A1CF: variants seen among roughly 807,000 people sequenced by gnomAD.
The protein encoded by A1CF is APOBEC1 complementation factor.
A neutral mutation model predicts 68.9 loss-of-function variants in A1CF; 48 were observed. That is an observed-to-expected ratio of 0.70 (90% confidence interval 0.55 to 0.89). A1CF has a LOEUF of 0.89. Ranked by LOEUF, A1CF falls within the 40% of genes least tolerant of loss-of-function variation. The pLI, the probability that A1CF is intolerant of heterozygous loss-of-function variation, is 0.00. For synonymous variants in A1CF, 272 were observed against 260.4 expected, an observed-to-expected ratio of 1.04 and a Z score of -0.43; for missense variants, 653 against 718.9, an observed-to-expected ratio of 0.91 and a Z score of 1.05.
intron 3 of A1CF, among the ~76,000 whole-genome samples, chr10:50,853,541 A>C (rs2132501350): frequency 6.6e-6 from 1 of 152,232 alleles, no homozygotes; most frequent in South Asian, 2.1e-4. Context: ...AGGTAGAAAC[A>C]TGTCTCTCTT....
chr10:50,851,726 A>G (rs1225285033), intron 3 of A1CF, among the ~76,000 whole-genome samples: 2 of 152,178 alleles, frequency 1.3e-5, no homozygotes, highest in African/African-American at 4.8e-5. Flanking sequence ...TGGAAGCCTG[A>G]GAGAGAACTG....
intron 3 of A1CF, among the ~76,000 whole-genome samples, chr10:50,851,665 G>T (rs902657245): frequency 6.6e-6 from 1 of 152,176 alleles, no homozygotes; most frequent in Non-Finnish European, 1.5e-5. Context: ...AAGGTTAGCA[G>T]GGCCTGAAGA....
intron 3 of A1CF, among the ~76,000 whole-genome samples, chr10:50,847,963 C>T (rs576037657): frequency 6.6e-6 from 1 of 152,276 alleles, no homozygotes; most frequent in East Asian, 1.9e-4. Flanking sequence ...TTTTAATAAA[C>T]TCTTTTATAC....
intron 5 of A1CF, among the ~76,000 whole-genome samples, chr10:50,841,219 C>A (rs1839759616): frequency 6.6e-6 from 1 of 152,230 alleles, no homozygotes; most frequent in African/African-American, 2.4e-5. Flanking sequence ...TCTACACTTC[C>A]TCACACAGTG....
intron 6 of A1CF, among the ~76,000 whole-genome samples, chr10:50,833,302 C>G (rs947990858): frequency 1.3e-5 from 2 of 152,194 alleles, no homozygotes; most frequent in Non-Finnish European, 2.9e-5. Context: ...CCTACTGAAT[C>G]AAGAACTCTG....
intron 3 of A1CF, among the ~76,000 whole-genome samples, chr10:50,847,169 A>G (rs904985778): frequency 1.1e-4 from 17 of 152,220 alleles, no homozygotes; most frequent in South Asian, 2.1e-4. Flanking sequence ...ATGTATTAAT[A>G]GTTCAGACTA....
At chr10:50,871,450 A>G (rs1392664269) in intron 1 of A1CF, among the ~76,000 whole-genome samples, 2 of 152,014 alleles carry the variant, frequency 1.3e-5, no homozygotes, top group Non-Finnish European at 2.9e-5. Flanking sequence ...CTTTAATGCA[A>G]TTCTAATTTA....
At chr10:50,814,868 T>C (rs916860480) in intron 9 of A1CF, among the ~76,000 whole-genome samples, 7 of 152,210 alleles carry the variant, frequency 4.6e-5, no homozygotes, top group East Asian at 3.8e-4. Context: ...TCTAAATGCA[T>C]AATGTTGCAA....
intron 2 of A1CF, among the ~76,000 whole-genome samples, chr10:50,863,204 C>A (rs868765542): frequency 6.6e-6 from 1 of 152,152 alleles, no homozygotes; most frequent in African/African-American, 2.4e-5. Flanking sequence ...AACACTTAAT[C>A]TTTAATTTTT....
At position 50,804,577 on chromosome 10, in the gene A1CF, A is replaced by G. The variant is rs1392815923; in HGVS notation, c.*2152T>C. 1 of 152,158 alleles carries G rather than the reference A, an allele frequency of 6.6e-6. No homozygotes were observed. The allele number at this position is 152,158 out of a possible 1,614,324, so 9.4% of individuals were successfully genotyped here. On this transcript the variant is annotated 3_prime_UTR_variant, in exon 13 of 13. Coordinates refer to ENST00000373997, the MANE Select transcript of A1CF (RefSeq NM_014576.4). ...TCTTTGAGAATAAAAGCAGATCTGT[A>G]GGGGAGTGTAAATTTGGATCTAAGA... is the stretch of plus-strand genomic sequence containing the variant.
chr10:50,868,903 T>C (rs959582063), intron 1 of A1CF, among the ~76,000 whole-genome samples: 1 of 152,078 alleles, frequency 6.6e-6, no homozygotes, highest in Non-Finnish European at 1.5e-5. Context: ...CCAAATACCA[T>C]ATGTTCTCAC....
At chr10:50,842,511 G>A (rs577277268) in intron 4 of A1CF, among the ~76,000 whole-genome samples, 7 of 152,218 alleles carry the variant, frequency 4.6e-5, no homozygotes, top group South Asian at 4.1e-4. Flanking sequence ...CTTGGAAGGC[G>A]GAGGTGGGAG....
At position 50,836,223 on chromosome 10, in the gene A1CF, A is replaced by G. The variant is rs1376506664; in HGVS notation, c.455T>C (p.Ile152Thr). ...AGTAACCTTTTTCATCTCCGATAAG[A>G]TTTCTTCTCTCTTTTTGGTTTTTGG... ...GIPKTKKREE[I>T]LSEMKKVTEG... The change falls in exon 6 of 13, where the codon ATC becomes ACC. Residue 152 changes from isoleucine to threonine, a missense_variant. Coordinates refer to ENST00000373997, the MANE Select transcript of A1CF (RefSeq NM_014576.4). 1.9e-6 allele frequency: 3 copies of G among 1,613,930 alleles called. No homozygotes were observed. Among genetic ancestry groups the G allele is most frequent in the Non-Finnish European group, 1.7e-6 (2 of 1,179,886 alleles).
intron 6 of A1CF, among the ~76,000 whole-genome samples, chr10:50,832,430 A>T (rs753347772): frequency 2.6e-5 from 4 of 152,170 alleles, no homozygotes; most frequent in Non-Finnish European, 5.9e-5. Flanking sequence ...AGCTTAGTTA[A>T]TTCTAAAATG....
chr10:50,818,388 C>A (rs1480781309), intron 8 of A1CF, among the ~76,000 whole-genome samples: 2 of 151,822 alleles, frequency 1.3e-5, no homozygotes, highest in Non-Finnish European at 2.9e-5. Flanking sequence ...TTGATTTTTC[C>A]ATACCACATT....
At position 50,851,327 on chromosome 10, in the gene A1CF, A is replaced by C. The variant is rs139274598; in HGVS notation, c.100-7205T>G. ...TTGATATCATGTTTAATGGAGGAAA[A>C]TGTTCATAGGATGTTTTGTGAGTTA... On this transcript the variant is annotated intron_variant, in intron 3 of 12. Coordinates refer to ENST00000373997, the MANE Select transcript of A1CF (RefSeq NM_014576.4). Among the ~76,000 whole-genome samples the C allele has an allele frequency of 6.0e-3, 909 of 152,258 alleles. 7 individuals are homozygous for C. Among genetic ancestry groups the C allele is most frequent in the African/African-American group, 0.02 (849 of 41,552 alleles).
intron 12 of A1CF, among the ~76,000 whole-genome samples, chr10:50,809,395 A>C (rs1277898168): frequency 6.6e-6 from 1 of 152,194 alleles, no homozygotes; most frequent in Non-Finnish European, 1.5e-5. Flanking sequence ...GATTGCTGAA[A>C]AGCTAATTGC....
chr10:50,842,349 A>G (rs2132454401), intron 4 of A1CF, among the ~76,000 whole-genome samples: 1 of 152,356 alleles, frequency 6.6e-6, no homozygotes, highest in South Asian at 2.1e-4. Context: ...AGTTTCTTAC[A>G]CCTGTAATTC....
chr10:50,811,306 T>A, intron 10 of A1CF, 130 bp from the exon 11 acceptor site: 2 of 833,056 alleles, frequency 2.4e-6, no homozygotes, highest in Non-Finnish European at 3.5e-6. Context: ...CCACATGATT[T>A]AATGACTCAT....
Sources: allele counts gnomAD v4.1 joint callset (sites outside exome capture counted in the v4.1 genomes callset), GRCh38; gene constraint gnomAD v4.1.1; transcripts MANE v1.5; gene names NCBI Gene and HGNC (gene_info 2026-07-23, HGNC 2026-07-21).